CORO6: variants seen among roughly 807,000 people sequenced by gnomAD.
The protein encoded by CORO6 is coronin 6.
CORO6 carries 43 observed loss-of-function variants against 49.0 expected under a neutral mutation model. That is an observed-to-expected ratio of 0.88 (90% CI 0.69 to 1.13). The LOEUF (loss-of-function observed/expected upper bound fraction) is 1.13, where lower values mean the gene tolerates loss of function less well. Among genes scored for constraint, CORO6 ranks in the 50% most tolerant of loss-of-function variants. The pLI, the probability that CORO6 is intolerant of heterozygous loss-of-function variation, is 0.00. For synonymous variants in CORO6, 233 were observed against 256.5 expected (o/e 0.91, Z 0.88); for missense variants, 650 against 647.0 (o/e 1.00, Z -0.05).
chr17:29,620,933 G>A (rs2035274704), intron 2 of CORO6, among the ~76,000 whole-genome samples: 1 of 152,182 alleles, frequency 6.6e-6, no homozygotes, highest in Non-Finnish European at 1.5e-5. Context: ...GCTTGGCTGT[G>A]CTGTGTCCCA....
At position 29,617,579 on chromosome 17, in the gene CORO6, G is replaced by T; in HGVS notation, c.674C>A (p.Ala225Asp). ...GATATGGCCCTGGCGCGTGAAGACG[G>T]CCCGCATGGGCCTCATCCCCTCGTG... ...AAHEGMRPMR[A>D]VFTRQGHIFT... Residue 225 changes from alanine (A) to aspartate (D), a missense_variant, in exon 6 of 11, where the codon GCC becomes GAC. Transcript: ENST00000388767. 6.2e-7 allele frequency: 1 copy of T among 1,606,310 alleles called. No homozygotes were observed.
Position 29,616,316 on chromosome 17 carries a change from C to G in CORO6, c.1025G>C (p.Arg342Thr), listed in dbSNP as rs1350495803. Residue 342 changes from arginine to threonine, a missense_variant, in exon 9 of 11, where the codon AGA (arginine) becomes ACA (threonine). Physicochemically the swap from Arg to Thr is moderately conservative, Grantham distance 71 (BLOSUM62 -1). Coordinates refer to ENST00000388767, the MANE Select transcript of CORO6 (RefSeq NM_032854.4). The surrounding 1 kb of genome is among the most constrained non-coding windows in gnomAD (Gnocchi z 5.6). ...AGTCATGATGATAGGTTCACACTTT[C>G]TTTCGTGTAGCTTGTAGAACCTATA... Reference protein sequence around the residue: ...EIARFYKLHERKCEPIIMTVP... With the variant: ...EIARFYKLHETKCEPIIMTVP... 1 of 1,609,034 alleles carries G rather than the reference C, an allele frequency of 6.2e-7. No homozygotes were observed. The highest frequency in any genetic ancestry group is 8.5e-7 in the Non-Finnish European group (1 of 1,177,532).
rs753151189 is a variant in CORO6, at chr17:29,617,584, C to T, written c.669G>A (p.Met223Ile). 7 of 1,605,722 alleles carry T rather than the reference C, an allele frequency of 4.4e-6. No homozygotes were observed. In the South Asian group the frequency reaches 5.5e-5, roughly 13 times the overall value. Residue 223 changes from methionine (M) to isoleucine (I), a missense_variant, in exon 6 of 11, where the codon ATG becomes ATA. By Grantham distance (10) the Met-to-Ile change is conservative. Coordinates refer to ENST00000388767, the MANE Select transcript of CORO6 (RefSeq NM_032854.4). ...RFAAHEGMRP[M>I]RAVFTRQGHI... ...GGCCCTGGCGCGTGAAGACGGCCCG[C>T]ATGGGCCTCATCCCCTCGTGGGCCG...
chr17:29,617,759 A>T, intron 5 of CORO6, 140 bp from the exon 6 acceptor site: 1 of 943,606 alleles, frequency 1.1e-6, no homozygotes, highest in South Asian at 1.7e-5. Context: ...GGGCCTAAGC[A>T]CTCAGCTTCC....
intron 6 of CORO6, 141 bp from the exon 7 acceptor site, chr17:29,617,183 C>T: frequency 2.6e-6 from 4 of 1,542,432 alleles, no homozygotes; most frequent in South Asian, 2.3e-5. Flanking sequence ...AGGCCCCTCC[C>T]CTGGGCACAT....
Position 29,615,475 on chromosome 17 carries a change from C to G in CORO6, c.*257G>C, listed in dbSNP as rs912278253. 3.7e-5 allele frequency: 17 copies of G among 461,474 alleles called. No individual in the cohort carries two copies. In the East Asian group the frequency reaches 5.7e-4, roughly 16 times the overall value. 28.6% of individuals were successfully genotyped at this position (461,474 alleles called of 1,614,324 possible). On this transcript the variant is annotated 3_prime_UTR_variant, in exon 11 of 11. Transcript: ENST00000388767. ...CTCGCCGTGCAGCACCATTGCTGAG[C>G]CCCCCAGGTTACCCCAGGCCTCCCT...
In CORO6 at chr17:29,616,069, G is replaced by GT. The variant is rs764336747; in HGVS notation, c.1168_1169insA (p.Ser390TyrfsTer162). On this transcript the variant is annotated frameshift_variant, in exon 10 of 11. Transcript: ENST00000388767. LOFTEE classifies it high-confidence loss of function. The surrounding 1 kb of genome is among the most constrained non-coding windows in gnomAD (Gnocchi z 5.6). ...GGGGGGCACATAGCCGTCCCTCAGC[G>GT]AAATGAGCACGGGTTCGGCGTCCTG... 1 of 1,612,898 alleles carries GT rather than the reference G, an allele frequency of 6.2e-7. No individual in the cohort carries two copies. Among genetic ancestry groups the GT allele is most frequent in the East Asian group, 2.2e-5 (1 of 44,876 alleles).
Position 29,618,712 on chromosome 17 carries a change from GAT to G in CORO6, c.633+76_633+77del, listed in dbSNP as rs984800154. The G allele has an allele frequency of 6.7e-5, 102 of 1,517,860 alleles. No individual in the cohort carries two copies. In the Admixed American group the frequency reaches 1.9e-3, roughly 29 times the overall value. 94.0% of individuals were successfully genotyped at this position (1,517,860 alleles called of 1,614,324 possible). On this transcript the variant is annotated intron_variant, in intron 5 of 10. Coordinates refer to ENST00000388767, the MANE Select transcript of CORO6 (RefSeq NM_032854.4). ...GGTGAAAGCCGGGACCAGGGGCTCT[GAT>G]AATGGTGGGTACAAGGGTGCTGACA...
At position 29,616,230 on chromosome 17, in the gene CORO6, G is replaced by C; in HGVS notation, c.1062+49C>G. 1 of 1,609,456 alleles carries C rather than the reference G, an allele frequency of 6.2e-7. No individual in the cohort carries two copies. Among genetic ancestry groups the C allele is most frequent in the South Asian group, 1.1e-5 (1 of 90,480 alleles). On this transcript the variant is annotated intron_variant, in intron 9 of 10. Transcript: ENST00000388767. The surrounding 1 kb of genome is among the most constrained non-coding windows in gnomAD (Gnocchi z 5.6). Reference sequence around the variant, plus strand: ...CGTGAGAGGGTGCGGGGCTTGCTCCGCTCCCTTCCGCCTCGTAGCCCTGCC... The same window carrying C: ...CGTGAGAGGGTGCGGGGCTTGCTCCCCTCCCTTCCGCCTCGTAGCCCTGCC...
rs1598648535 is a variant in CORO6 at position 29,621,784 on chromosome 17, C to T, written c.-63-300G>A. The T allele has an allele frequency of 7.2e-6, 2 of 276,510 alleles. No homozygotes were observed. Among genetic ancestry groups the T allele is most frequent in the South Asian group, 8.9e-5 (2 of 22,598 alleles). 17.1% of individuals were successfully genotyped at this position (276,510 alleles called of 1,614,324 possible). A position where few individuals can be genotyped will look rare whatever the true frequency, so the allele number is the denominator to read the frequency against. ...TCAATGCCACACTGCCTGCACCCCC[C>T]GCCCCCACCACCGCCAGCCTTGATG... On this transcript the variant is annotated intron_variant, in intron 1 of 10. Transcript: ENST00000388767. This position sits in a 1 kb window ranked among gnomAD's most constrained non-coding sequence, Gnocchi z 4.2.
At chr17:29,618,074 C>T in intron 5 of CORO6, 1 of 1,500,536 alleles carries the variant, frequency 6.7e-7, no homozygotes, top group Non-Finnish European at 8.8e-7. Flanking sequence ...AGTTGCCGCT[C>T]ACTCATCCTG....
In CORO6 at chr17:29,616,620, C is replaced by T. The variant is rs2034941188; in HGVS notation, c.1004+82G>A. The T allele has an allele frequency of 1.9e-6, 3 of 1,557,998 alleles. No individual in the cohort carries two copies. The highest frequency in any genetic ancestry group is 1.4e-5 in the African/African-American group (1 of 73,830). ...CCCGCTTTTCCAAAGCACTGCATTA[C>T]TGGGGAAGCCCCGTGGCTAGGACCC... On this transcript the variant is annotated intron_variant, in intron 8 of 10. Transcript: ENST00000388767. The surrounding 1 kb of genome is among the most constrained non-coding windows in gnomAD (Gnocchi z 5.6).
At chr17:29,622,655 T>A in intron 1 of CORO6, 33 bp downstream of exon 1, 1 of 1,141,414 alleles carries the variant, frequency 8.8e-7, no homozygotes, top group Non-Finnish European at 1.1e-6. Flanking sequence ...CTCCGCTGGC[T>A]GCGGTGACGG....
rs1028366490 is a variant in CORO6 at position 29,617,408 on chromosome 17, A to T, written c.753+92T>A. 9 of 1,550,662 alleles carry T rather than the reference A, an allele frequency of 5.8e-6. No homozygotes were observed. The African/African-American group carries it at 1.2e-4, about 21-fold the overall frequency. On this transcript the variant is annotated intron_variant, in intron 6 of 10. Transcript: ENST00000388767. Reference sequence around the variant, plus strand: ...GTGGCAGCAGCCTTCAGTCCTGTCCAGGTGGGCATGCCCTGCGGGTGGGGG... The same window carrying T: ...GTGGCAGCAGCCTTCAGTCCTGTCCTGGTGGGCATGCCCTGCGGGTGGGGG...
At chr17:29,619,559 T>A in intron 3 of CORO6, 92 bp downstream of exon 3, 4 of 1,315,566 alleles carry the variant, frequency 3.0e-6, no homozygotes, top group Non-Finnish European at 4.3e-6. Flanking sequence ...GCACCTCCCT[T>A]ATTACCACCC....
Position 29,616,727 on chromosome 17 carries a change from C to T in CORO6, c.979G>A (p.Asp327Asn), listed in dbSNP as rs764936433. The stretch of plus-strand genomic sequence containing the variant: ...CGGGCGATCTCACACTTGCTGACAT[C>T]CAGTCCCCTTTTGGGCATGAAACCC... ...GMGFMPKRGL[D>N]VSKCEIARFY... is the part of the protein sequence containing the mutation. The change falls in exon 8 of 11, where the codon GAT becomes AAT. Residue 327 changes from aspartate (D) to asparagine (N), a missense_variant. Asp to Asn is a conservative substitution (Grantham distance 23). Coordinates refer to ENST00000388767, the MANE Select transcript of CORO6 (RefSeq NM_032854.4). The surrounding 1 kb of genome is among the most constrained non-coding windows in gnomAD (Gnocchi z 5.6). 9 of 1,613,338 alleles carry T rather than the reference C, an allele frequency of 5.6e-6. No individual in the cohort carries two copies. In the South Asian group the frequency reaches 6.6e-5, roughly 12 times the overall value.
intron 3 of CORO6, 60 bp downstream of exon 3, chr17:29,619,591 G>A: frequency 2.6e-6 from 4 of 1,565,314 alleles, no homozygotes; most frequent in East Asian, 2.2e-5. Flanking sequence ...CCCAGCACAG[G>A]TGAGGCAGCC....
chr17:29,620,754 T>A (rs1022135840), intron 2 of CORO6, among the ~76,000 whole-genome samples: 2 of 152,150 alleles, frequency 1.3e-5, no homozygotes, highest in African/African-American at 2.4e-5. Context: ...ACTGCAAGTG[T>A]CCTTGGAGGT....
rs1484660843 is a variant in CORO6, at chr17:29,622,813, G to A, written c.-189C>T. On this transcript the variant is annotated 5_prime_UTR_variant, in exon 1 of 11. Coordinates refer to ENST00000388767, the MANE Select transcript of CORO6 (RefSeq NM_032854.4). ...CCTCTCCGGGTGTCTGTAGTATCTG[G>A]GACCCGGGTGTCCAGCTCCGCACTC... 3 of 1,310,994 alleles carry A rather than the reference G, an allele frequency of 2.3e-6. No homozygotes were observed. The highest frequency in any genetic ancestry group is 1.2e-5 in the South Asian group (1 of 81,452). The allele number at this position is 1,310,994 out of a possible 1,614,324, so 81.2% of individuals were successfully genotyped here.
Sources: allele counts gnomAD v4.1 joint callset (sites outside exome capture counted in the v4.1 genomes callset), GRCh38; gene constraint gnomAD v4.1.1; non-coding constraint Gnocchi (gnomAD v3.1); transcripts MANE v1.5; gene names NCBI Gene and HGNC (gene_info 2026-07-23, HGNC 2026-07-21).